AOAH: variants seen among roughly 807,000 people sequenced by gnomAD.
AOAH encodes the protein acyloxyacyl hydrolase, also known as acyloxyacyl hydrolase (neutrophil).
In AOAH, 64 loss-of-function variants were observed where a neutral mutation model predicts 92.2. That is an observed-to-expected ratio of 0.69 (90% confidence interval 0.57 to 0.86). The LOEUF (loss-of-function observed/expected upper bound fraction) is 0.86. Among genes scored for constraint, AOAH ranks in the 40% least tolerant of loss-of-function variants. AOAH has a pLI of 0.00. For missense variants in AOAH, 656 were observed against 694.6 expected (o/e 0.94, Z 0.62); for synonymous variants, 263 against 254.5 (o/e 1.03, Z -0.32).
At chr7:36,641,679 T>TA (rs1486931957) in intron 4 of AOAH, among the ~76,000 whole-genome samples, 1 of 152,170 alleles carries the variant, frequency 6.6e-6, no homozygotes, top group Non-Finnish European at 1.5e-5. Context: ...TTCTACATTA[T>TA]AACACACTCC....
intron 13 of AOAH, among the ~76,000 whole-genome samples, chr7:36,571,567 C>T (rs1281328813): frequency 6.6e-6 from 1 of 152,246 alleles, no homozygotes; most frequent in African/African-American, 2.4e-5. Flanking sequence ...CAGGCTACAG[C>T]CATCTCCTGC....
chr7:36,543,973 A>C (rs1785609420), intron 15 of AOAH, among the ~76,000 whole-genome samples: 1 of 74,142 alleles, frequency 1.3e-5, no homozygotes, highest in African/African-American at 6.0e-5. Context: ...TTTGAGATGG[A>C]GTCTCACTCT....
chr7:36,576,127 C>T (rs903684597), intron 13 of AOAH, among the ~76,000 whole-genome samples: 1 of 152,200 alleles, frequency 6.6e-6, no homozygotes, highest in Non-Finnish European at 1.5e-5. Flanking sequence ...GCCTCCAGGT[C>T]CAAGGTGGAA....
intron 12 of AOAH, among the ~76,000 whole-genome samples, chr7:36,588,072 T>C (rs1232765225): frequency 6.6e-6 from 1 of 152,202 alleles, no homozygotes; most frequent in African/African-American, 2.4e-5. Flanking sequence ...TTTCATCAGA[T>C]TAAATTATTT....
At chr7:36,691,979 C>T (rs1249539134) in intron 1 of AOAH, among the ~76,000 whole-genome samples, 1 of 152,202 alleles carries the variant, frequency 6.6e-6, no homozygotes, top group African/African-American at 2.4e-5. Context: ...TCACCCTGTC[C>T]CTGCCATTTC....
intron 2 of AOAH, among the ~76,000 whole-genome samples, chr7:36,677,498 G>A (rs80283128): frequency 0.026 from 3,964 of 152,246 alleles, 149 homozygotes; most frequent in East Asian, 0.077. Context: ...ATGTAAACTC[G>A]TGCAGCCAGT....
chr7:36,610,532 A>T (rs1791385055), intron 11 of AOAH, among the ~76,000 whole-genome samples: 1 of 151,692 alleles, frequency 6.6e-6, no homozygotes, highest in Admixed American at 6.6e-5. Flanking sequence ...AATATTAAAG[A>T]ATATTTCAAA....
In AOAH at chr7:36,626,976, T is replaced by C. The variant is rs78549957; in HGVS notation, c.522-3726A>G. Among the ~76,000 whole-genome samples, 1,262 of 152,340 alleles carry C rather than the reference T, an allele frequency of 8.3e-3. 14 individuals carry two copies. Among genetic ancestry groups the C allele is most frequent in the African/African-American group, 0.028 (1,175 of 41,568 alleles). ...TTACTAAAAATTATTTCTGCAGAATTGCATCTGAACTTGATACCTTATGTA... is the reference window on the plus strand; with the variant it reads ...TTACTAAAAATTATTTCTGCAGAATCGCATCTGAACTTGATACCTTATGTA... On this transcript the variant is annotated intron_variant, in intron 6 of 20. Transcript: ENST00000617537.
chr7:36,534,906 CTG>C (rs765734806), intron 16 of AOAH, among the ~76,000 whole-genome samples: 11 of 151,096 alleles, frequency 7.3e-5, no homozygotes, highest in African/African-American at 2.7e-4. Context: ...TCGTGTGTGT[CTG>C]TGTCTCTGTC....
At chr7:36,719,553 T>C (rs1799484707) in intron 1 of AOAH, among the ~76,000 whole-genome samples, 1 of 152,206 alleles carries the variant, frequency 6.6e-6, no homozygotes, top group South Asian at 2.1e-4. Flanking sequence ...ATTATGATCT[T>C]ACAAATCAAG....
At chr7:36,546,598 G>T (rs1221809572) in intron 15 of AOAH, among the ~76,000 whole-genome samples, 1 of 152,226 alleles carries the variant, frequency 6.6e-6, no homozygotes, top group Non-Finnish European at 1.5e-5. Context: ...GGACTGGGCT[G>T]GAGGGATCTG....
At chr7:36,697,587 GTGTT>G (rs1265943340) in intron 1 of AOAH, among the ~76,000 whole-genome samples, 2 of 152,156 alleles carry the variant, frequency 1.3e-5, no homozygotes, top group Non-Finnish European at 2.9e-5. Flanking sequence ...GAAAGAAATT[GTGTT>G]GGATTGGCAT....
At chr7:36,535,435 A>C (rs1195054537) in intron 16 of AOAH, among the ~76,000 whole-genome samples, 2 of 152,256 alleles carry the variant, frequency 1.3e-5, no homozygotes, top group African/African-American at 4.8e-5. Flanking sequence ...AAATGTGTTA[A>C]AATCACATTC....
chr7:36,599,943 AT>A (rs1790430100), intron 11 of AOAH: 1 of 152,594 alleles, frequency 6.6e-6, no homozygotes, highest in Non-Finnish European at 1.5e-5. Context: ...GCACCACATT[AT>A]GCAACTTTCA....
At chr7:36,620,953 C>T in intron 8 of AOAH, 124 bp from the exon 9 acceptor site, 1 of 845,434 alleles carries the variant, frequency 1.2e-6, no homozygotes, top group East Asian at 2.7e-5. Flanking sequence ...GAGACAACAG[C>T]ATTCTTCATG....
At chr7:36,648,184 G>T (rs578144477) in intron 4 of AOAH, among the ~76,000 whole-genome samples, 1 of 152,226 alleles carries the variant, frequency 6.6e-6, no homozygotes, top group East Asian at 1.9e-4. Flanking sequence ...CTTCAAATAT[G>T]CAGAGAGCAA....
chr7:36,708,197 T>C (rs990117068), intron 1 of AOAH, among the ~76,000 whole-genome samples: 1 of 152,154 alleles, frequency 6.6e-6, no homozygotes, highest in Admixed American at 6.6e-5. Context: ...CTGGATAGTA[T>C]ACTACATGTT....
chr7:36,664,270 C>T (rs74952777), intron 3 of AOAH, among the ~76,000 whole-genome samples: 1 of 152,100 alleles, frequency 6.6e-6, no homozygotes, highest in East Asian at 1.9e-4. Flanking sequence ...TGTCTGTGAT[C>T]CATTTTGAGT....
intron 14 of AOAH, 118 bp downstream of exon 14, chr7:36,549,321 A>G (rs981815986): frequency 2.6e-6 from 2 of 762,928 alleles, no homozygotes; most frequent in African/African-American, 3.5e-5. Context: ...TTGAGTTTGG[A>G]TAGTGACTAA....
Sources: allele counts gnomAD v4.1 joint callset (sites outside exome capture counted in the v4.1 genomes callset), GRCh38; gene constraint gnomAD v4.1.1; transcripts MANE v1.5; gene names NCBI Gene and HGNC (gene_info 2026-07-23, HGNC 2026-07-21).